The following SORBS2 variants were observed in gnomAD, a reference collection of about 807,000 sequenced individuals.
SORBS2 encodes the protein sorbin and SH3 domain-containing protein 2.
A neutral mutation model predicts 97.7 loss-of-function variants in SORBS2; 46 were observed. The observed-to-expected ratio is 0.47, with a 90% CI of 0.37 to 0.60. The LOEUF (loss-of-function observed/expected upper bound fraction) is 0.60, where lower values mean the gene tolerates loss of function less well. SORBS2 is among the 20% of genes least tolerant of loss of function. SORBS2 has a pLI of 0.00. For synonymous variants in SORBS2, 476 were observed against 473.4 expected (o/e 1.01, Z -0.07); for missense variants, 1,316 against 1,282.3 (o/e 1.03, Z -0.40).
intron 1 of SORBS2, among the ~76,000 whole-genome samples, chr4:185,818,383 G>C (rs917871867): frequency 6.6e-6 from 1 of 152,020 alleles, no homozygotes; most frequent in Non-Finnish European, 1.5e-5. Context: ...TAGAAACGGA[G>C]TTTCACCATG....
At chr4:185,682,177 T>C (rs895089532) in intron 2 of SORBS2, among the ~76,000 whole-genome samples, 1 of 152,146 alleles carries the variant, frequency 6.6e-6, no homozygotes, top group Non-Finnish European at 1.5e-5. Context: ...TGACAAACAA[T>C]TTTTCATTGG....
At chr4:185,804,230 C>A (rs1023669999) in intron 1 of SORBS2, among the ~76,000 whole-genome samples, 1 of 152,212 alleles carries the variant, frequency 6.6e-6, no homozygotes, top group Non-Finnish European at 1.5e-5. Flanking sequence ...TGGAACCACA[C>A]GCAGGTTACC....
chr4:185,720,615 C>T (rs2098505148), intron 2 of SORBS2, among the ~76,000 whole-genome samples: 1 of 152,162 alleles, frequency 6.6e-6, no homozygotes, highest in Non-Finnish European at 1.5e-5. Flanking sequence ...TTGGCCTGGG[C>T]CTCCGGTACC....
chr4:185,858,815 C>G (rs183200474), intron 1 of SORBS2, among the ~76,000 whole-genome samples: 2 of 152,308 alleles, frequency 1.3e-5, no homozygotes, highest in Admixed American at 1.3e-4. Context: ...AATGTGACAA[C>G]TTTTCATTTT....
chr4:185,908,303 A>G (rs1446132238), intron 1 of SORBS2, among the ~76,000 whole-genome samples: 1 of 102,174 alleles, frequency 9.8e-6, no homozygotes, highest in Admixed American at 9.6e-5. Flanking sequence ...ATATATATAT[A>G]TATATATATA....
intron 1 of SORBS2, 82 bp from the exon 1 acceptor site, chr4:185,812,276 T>C (rs1326328752): frequency 2.0e-5 from 3 of 152,272 alleles, no homozygotes; most frequent in Admixed American, 2.0e-4. Context: ...TGGCTTTTCG[T>C]AGCCATAGCA....
intron 13 of SORBS2, among the ~76,000 whole-genome samples, chr4:185,591,283 G>C (rs555566933): frequency 1.7e-4 from 26 of 152,264 alleles, no homozygotes; most frequent in African/African-American, 5.3e-4. Context: ...TTCTTCTCCT[G>C]TTAAAACTTC....
At chr4:185,880,691 C>T (rs1056437115) in intron 1 of SORBS2, among the ~76,000 whole-genome samples, 2 of 152,318 alleles carry the variant, frequency 1.3e-5, no homozygotes, top group South Asian at 2.1e-4. Context: ...CATCAACAAA[C>T]ATTGTGCTTA....
intron 1 of SORBS2, among the ~76,000 whole-genome samples, chr4:185,779,541 TTCTC>T (rs1223454282): frequency 6.6e-6 from 1 of 152,230 alleles, no homozygotes; most frequent in Non-Finnish European, 1.5e-5. Flanking sequence ...TTTAGAGGGT[TTCTC>T]TGAGTGTTGT....
chr4:185,621,772 T>C (rs28430923), intron 7 of SORBS2, among the ~76,000 whole-genome samples: 1,567 of 152,288 alleles, frequency 0.01, 21 homozygotes, highest in African/African-American at 0.036. Flanking sequence ...TTATATTTTA[T>C]ACTATAAATT....
intron 1 of SORBS2, among the ~76,000 whole-genome samples, chr4:185,893,301 A>G (rs1001275433): frequency 2.0e-5 from 3 of 152,170 alleles, no homozygotes; most frequent in Admixed American, 2.0e-4. Flanking sequence ...TGCGAGTGTG[A>G]GCCTGGGGTA....
chr4:185,803,387 G>T (rs1257551764), intron 1 of SORBS2, among the ~76,000 whole-genome samples: 2 of 152,132 alleles, frequency 1.3e-5, no homozygotes, highest in Non-Finnish European at 2.9e-5. Flanking sequence ...CAAGCTTAGG[G>T]TTCGAAATCA....
rs1374914840 is a variant in SORBS2 at position 185,606,055 on chromosome 4, T to A, written c.2796+5725A>T. 1.0e-6 allele frequency: 1 copy of A among 981,646 alleles called. No individual in the cohort carries two copies. The highest frequency in any genetic ancestry group is 1.2e-6 in the Non-Finnish European group (1 of 826,614). The allele number at this position is 981,646 out of a possible 1,614,324, so 60.8% of individuals were successfully genotyped here. On this transcript the variant is annotated intron_variant, in intron 12 of 14. Transcript: ENST00000418609. The surrounding 1 kb of genome is among the most constrained non-coding windows in gnomAD (Gnocchi z 4.3). ...AATCGAAAGGGGACAGAAGTGCTGT[T>A]TTTCTTTTCTGTTGTCTTTGTTTAT...
intron 9 of SORBS2, among the ~76,000 whole-genome samples, chr4:185,615,459 T>A (rs571333922): frequency 6.6e-6 from 1 of 151,994 alleles, no homozygotes; most frequent in South Asian, 2.1e-4. Flanking sequence ...TTACCATTAG[T>A]TCAGAGAAGA....
Position 185,649,459 on chromosome 4 carries a change from T to C in SORBS2, c.281+8A>G. On this transcript the variant is annotated splice_region_variant and intron_variant, in intron 3 of 14. Coordinates refer to ENST00000418609, the Ensembl canonical transcript of SORBS2. Reference sequence around the variant, plus strand: ...AAACATAGGCCACCCTGGGGGGAAATGCCTTACTTTTCTGTTGAAGACCGA... The same window carrying C: ...AAACATAGGCCACCCTGGGGGGAAACGCCTTACTTTTCTGTTGAAGACCGA... 6.4e-7 allele frequency: 1 copy of C among 1,561,056 alleles called. No homozygotes were observed. The highest frequency in any genetic ancestry group is 1.4e-5 in the African/African-American group (1 of 72,386).
At chr4:185,728,216 A>G (rs1397729592) in intron 2 of SORBS2, among the ~76,000 whole-genome samples, 1 of 152,068 alleles carries the variant, frequency 6.6e-6, no homozygotes, top group Non-Finnish European at 1.5e-5. Flanking sequence ...GCTCCCCGAG[A>G]AAGTCCACTG....
chr4:185,920,674 C>T (rs2099260547), intron 1 of SORBS2, among the ~76,000 whole-genome samples: 1 of 152,086 alleles, frequency 6.6e-6, no homozygotes, highest in African/African-American at 2.4e-5. Flanking sequence ...AAAAAGTTTA[C>T]CAGAAAATAG....
At chr4:185,797,944 C>T (rs1337998078) in intron 1 of SORBS2, among the ~76,000 whole-genome samples, 3 of 152,246 alleles carry the variant, frequency 2.0e-5, no homozygotes. Context: ...ACACTCTACT[C>T]TGTGCCTTCC....
At chr4:185,828,999 C>T (rs1275440171) in intron 1 of SORBS2, among the ~76,000 whole-genome samples, 1 of 152,220 alleles carries the variant, frequency 6.6e-6, no homozygotes, top group Non-Finnish European at 1.5e-5. Context: ...TTAATCCATC[C>T]TCCATATGTG....
Sources: gnomAD v4.1 joint callset for allele counts (sites outside exome capture counted in the v4.1 genomes callset) on GRCh38, gnomAD v4.1.1 for gene constraint, Gnocchi (gnomAD v3.1) non-coding constraint, MANE v1.5 for transcripts, NCBI Gene and HGNC (gene_info 2026-07-23, HGNC 2026-07-21) for gene names.